The following FANK1 variants were observed in gnomAD, a reference collection of about 807,000 sequenced individuals.
FANK1 encodes fibronectin type III and ankyrin repeat domains 1.
A neutral mutation model predicts 45.3 loss-of-function variants in FANK1; 44 were observed. The ratio of observed to expected loss-of-function variants is 0.97; its 90% CI spans 0.76 to 1.25. The LOEUF (loss-of-function observed/expected upper bound fraction) is 1.25, where lower values mean the gene tolerates loss of function less well. Ranked by LOEUF, FANK1 falls within the 50% of genes most tolerant of loss-of-function variation. FANK1 has a pLI of 0.00. For synonymous variants in FANK1, 149 were observed against 152.5 expected (o/e 0.98, Z 0.17); for missense variants, 391 against 424.4 (o/e 0.92, Z 0.69).
At chr10:126,006,665 AC>A (rs1486532770) in intron 7 of FANK1, among the ~76,000 whole-genome samples, 1 of 152,124 alleles carries the variant, frequency 6.6e-6, no homozygotes, top group African/African-American at 2.4e-5. Context: ...TTTGAGACCA[AC>A]CTGGCCAACA....
chr10:125,979,981 A>T, intron 1 of FANK1, 180 bp from the exon 2 acceptor site: 1 of 654,698 alleles, frequency 1.5e-6, no homozygotes, highest in Non-Finnish European at 2.7e-6. Flanking sequence ...CTCACACATC[A>T]GCTGAATTTT....
At chr10:125,908,577 C>A (rs919440975) in intron 1 of FANK1, among the ~76,000 whole-genome samples, 3 of 151,950 alleles carry the variant, frequency 2.0e-5, no homozygotes, top group African/African-American at 7.2e-5. Flanking sequence ...AAGAATGATA[C>A]AATTGACTTG....
intron 1 of FANK1, among the ~76,000 whole-genome samples, chr10:125,903,216 A>G (rs569321456): frequency 6.6e-6 from 1 of 152,400 alleles, no homozygotes; most frequent in Non-Finnish European, 1.5e-5. Context: ...GAACTAGCCA[A>G]CCAGATTAAA....
At chr10:125,900,600 G>A (rs1944947409) in intron 1 of FANK1, among the ~76,000 whole-genome samples, 1 of 152,052 alleles carries the variant, frequency 6.6e-6, no homozygotes. Context: ...CCAGCAGGCA[G>A]CAGTTTTCTG....
In FANK1 at chr10:125,897,932, G is replaced by A. The variant is rs76164712; in HGVS notation, c.13+1277G>A. On this transcript the variant is annotated intron_variant, in intron 1 of 10. Transcript: ENST00000368693. ...AGCACTTTGGGAGGCTGAGGCAGGC[G>A]GATCACGAGGTCAGGAGATTGAGAC... Among the ~76,000 whole-genome samples, 6 of 141,614 alleles carry A rather than the reference G, an allele frequency of 4.2e-5. No individual in the cohort carries two copies. The South Asian group carries it at 9.0e-4, about 21-fold the overall frequency. The allele number at this position is 141,614 out of a possible 152,430, so 92.9% of individuals were successfully genotyped here.
At chr10:125,992,414 C>A (rs759524748) in intron 3 of FANK1, among the ~76,000 whole-genome samples, 10 of 152,176 alleles carry the variant, frequency 6.6e-5, no homozygotes, top group Non-Finnish European at 1.0e-4. Context: ...GGAGTTAACA[C>A]TGAGAAAGAG....
intron 1 of FANK1, among the ~76,000 whole-genome samples, chr10:125,914,701 C>T (rs903223224): frequency 2.2e-4 from 33 of 152,136 alleles, no homozygotes; most frequent in Non-Finnish European, 8.8e-5. Flanking sequence ...CTCCAGAAAA[C>T]TAGTTTTTGC....
In FANK1 at chr10:125,906,515, C is replaced by CAAAAAAAAAAAAAAAAAAAA. The variant is rs34132526; in HGVS notation, c.13+9870_13+9889dup. Among the ~76,000 whole-genome samples, 45 of 46,416 alleles carry CAAAAAAAAAAAAAAAAAAAA rather than the reference C, an allele frequency of 9.7e-4. 4 individuals carry two copies. Among genetic ancestry groups the CAAAAAAAAAAAAAAAAAAAA allele is most frequent in the Middle Eastern group, 0.013 (1 of 76 alleles). 30.5% of individuals were successfully genotyped at this position (46,416 alleles called of 152,430 possible). A position where few individuals can be genotyped will look rare whatever the true frequency, so the allele number is the denominator to read the frequency against. On this transcript the variant is annotated intron_variant, in intron 1 of 10. Transcript: ENST00000368693. ...TTGGGGACAGAGCAAGACTCTGTCT[C>CAAAAAAAAAAAAAAAAAAAA]AAAAAAAAAAAAAAAAAAAAAAAAA...
intron 1 of FANK1, among the ~76,000 whole-genome samples, chr10:125,969,390 C>T (rs1423185295): frequency 1.3e-5 from 2 of 150,184 alleles, no homozygotes; most frequent in African/African-American, 4.9e-5. Flanking sequence ...CTGAGACTTA[C>T]TTATGACCAA....
At chr10:125,944,545 A>T (rs935949726) in intron 1 of FANK1, among the ~76,000 whole-genome samples, 1 of 152,208 alleles carries the variant, frequency 6.6e-6, no homozygotes, top group African/African-American at 2.4e-5. Flanking sequence ...AAAACTGGCC[A>T]TAAACAATCT....
chr10:126,004,013 A>G (rs1202592621), intron 6 of FANK1: 1 of 152,018 alleles, frequency 6.6e-6, no homozygotes, highest in Non-Finnish European at 1.5e-5. Context: ...CAGTGCCAAT[A>G]ATTTTATTGC....
At chr10:125,905,472 G>C (rs1310112065) in intron 1 of FANK1, among the ~76,000 whole-genome samples, 1 of 152,128 alleles carries the variant, frequency 6.6e-6, no homozygotes, top group Admixed American at 6.6e-5. Context: ...GTTTGGCTTT[G>C]GTAAGTTGTG....
intron 1 of FANK1, among the ~76,000 whole-genome samples, chr10:125,970,550 C>T (rs183598349): frequency 3.9e-5 from 6 of 152,314 alleles, no homozygotes; most frequent in Admixed American, 6.5e-5. Context: ...AGCGAGACTC[C>T]GTCTGCAATC....
intron 6 of FANK1, among the ~76,000 whole-genome samples, chr10:126,000,891 A>G (rs1469948722): frequency 4.6e-5 from 7 of 152,240 alleles, no homozygotes; most frequent in Admixed American, 4.6e-4. Context: ...GACAATTTAT[A>G]GCAGAATCAA....
chr10:125,971,683 A>G (rs748663201), intron 1 of FANK1, among the ~76,000 whole-genome samples: 26 of 152,008 alleles, frequency 1.7e-4, no homozygotes, highest in Non-Finnish European at 3.1e-4. Context: ...GTGCGGTGGC[A>G]TGATCTTGGC....
chr10:125,988,782 T>A, intron 3 of FANK1, 107 bp downstream of exon 3: 1 of 1,547,430 alleles, frequency 6.5e-7, no homozygotes, highest in African/African-American at 1.4e-5. Context: ...GAAGCAGAAA[T>A]GATACAATTT....
intron 1 of FANK1, among the ~76,000 whole-genome samples, chr10:125,946,865 A>G (rs1948838289): frequency 1.4e-5 from 2 of 144,376 alleles, no homozygotes; most frequent in Admixed American, 6.9e-5. Flanking sequence ...GCCAGAGAGA[A>G]AGGTCGGGTT....
chr10:125,944,396 G>A (rs571816741), intron 1 of FANK1, among the ~76,000 whole-genome samples: 2 of 152,136 alleles, frequency 1.3e-5, no homozygotes, highest in African/African-American at 4.8e-5. Context: ...AATCAATTGG[G>A]TGATTCCTAG....
intron 2 of FANK1, 101 bp from the exon 3 acceptor site, chr10:125,988,450 A>T: frequency 6.7e-7 from 1 of 1,487,550 alleles, no homozygotes; most frequent in Non-Finnish European, 9.1e-7. Flanking sequence ...GTGTCCTGGA[A>T]ATAGAAGGAA....
Sources: gnomAD v4.1 joint callset for allele counts (sites outside exome capture counted in the v4.1 genomes callset) on GRCh38, gnomAD v4.1.1 for gene constraint, MANE v1.5 for transcripts, NCBI Gene and HGNC (gene_info 2026-07-23, HGNC 2026-07-21) for gene names.